Variants in SMYD3 observed in about 807,000 individuals in gnomAD.
SMYD3 encodes histone-lysine N-methyltransferase SMYD3.
SMYD3 carries 36 observed loss-of-function variants against 57.7 expected under a neutral mutation model. The observed-to-expected ratio is 0.62, with a 90% CI of 0.48 to 0.82. The LOEUF (loss-of-function observed/expected upper bound fraction) is 0.82, where lower values mean the gene tolerates loss of function less well. Ranked by LOEUF, SMYD3 falls within the 40% of genes least tolerant of loss-of-function variation. SMYD3 has a pLI of 0.00. For synonymous variants in SMYD3, 211 were observed against 195.0 expected (o/e 1.08, Z -0.68); for missense variants, 515 against 538.8 (o/e 0.96, Z 0.44).
At chr1:245,882,392 T>C (rs2052832889) in intron 8 of SMYD3, among the ~76,000 whole-genome samples, 1 of 152,192 alleles carries the variant, frequency 6.6e-6, no homozygotes, top group Non-Finnish European at 1.5e-5. Flanking sequence ...CGCAGCTCCC[T>C]AAGTCATCAA....
chr1:245,938,184 G>A (rs2057059724), intron 5 of SMYD3, among the ~76,000 whole-genome samples: 1 of 152,216 alleles, frequency 6.6e-6, no homozygotes, highest in Non-Finnish European at 1.5e-5. Context: ...GACATCTCAG[G>A]GAGTGAAACC....
intron 8 of SMYD3, among the ~76,000 whole-genome samples, chr1:245,904,786 C>T (rs2054445842): frequency 6.6e-6 from 1 of 151,938 alleles, no homozygotes; most frequent in African/African-American, 2.4e-5. Context: ...GCTGGCGTCA[C>T]CCCTCCCCTG....
chr1:246,035,992 G>C (rs1394455903), intron 5 of SMYD3, among the ~76,000 whole-genome samples: 1 of 152,210 alleles, frequency 6.6e-6, no homozygotes, highest in Non-Finnish European at 1.5e-5. Flanking sequence ...CGAACCAACA[G>C]ATGGGAGCAG....
At position 246,203,373 on chromosome 1, in the gene SMYD3, C is replaced by A. The variant is rs2062949157; in HGVS notation, c.531+123828G>T. The stretch of plus-strand genomic sequence containing the variant: ...TCTCTCCCGCTTCTGGACGCCAGCA[C>A]CTCCCCATGGTTGTTCGCTAGAGCT... On this transcript the variant is annotated intron_variant, in intron 5 of 11. Transcript: ENST00000490107. This position sits in a 1 kb window ranked among gnomAD's most constrained non-coding sequence, Gnocchi z 4.6. Among the ~76,000 whole-genome samples, 1 of 152,204 alleles carries A rather than the reference C, an allele frequency of 6.6e-6. No individual in the cohort carries two copies. The highest frequency in any genetic ancestry group is 1.5e-5 in the Non-Finnish European group (1 of 68,042).
intron 1 of SMYD3, among the ~76,000 whole-genome samples, chr1:246,455,096 C>T (rs1351518296): frequency 6.6e-6 from 1 of 152,074 alleles, no homozygotes; most frequent in Admixed American, 6.6e-5. Context: ...AAGACATAGA[C>T]CCAGCATTTT....
intron 1 of SMYD3, among the ~76,000 whole-genome samples, chr1:246,493,732 C>G (rs1417738032): frequency 6.6e-6 from 1 of 151,286 alleles, no homozygotes; most frequent in Non-Finnish European, 1.5e-5. Flanking sequence ...TCCAATAGTT[C>G]CAGCTCAAAA....
chr1:246,317,336 T>C (rs2065178477), intron 5 of SMYD3, among the ~76,000 whole-genome samples: 1 of 152,248 alleles, frequency 6.6e-6, no homozygotes, highest in Admixed American at 6.5e-5. Flanking sequence ...GAGAATTTTC[T>C]CCCAGCACAT....
chr1:245,766,798 C>T (rs10802267), intron 10 of SMYD3, among the ~76,000 whole-genome samples: 33,284 of 152,132 alleles, frequency 0.22, 4,173 homozygotes, highest in East Asian at 0.54. Context: ...TTCAGTTCTA[C>T]GATGGCAGAG....
intron 5 of SMYD3, among the ~76,000 whole-genome samples, chr1:245,979,519 G>T (rs184432067): frequency 6.6e-6 from 1 of 152,126 alleles, no homozygotes; most frequent in South Asian, 2.1e-4. Flanking sequence ...ACATGAAGAC[G>T]GGGGCAGAGA....
chr1:246,501,852 G>A (rs2103078388), intron 1 of SMYD3, among the ~76,000 whole-genome samples: 1 of 152,304 alleles, frequency 6.6e-6, no homozygotes, highest in South Asian at 2.1e-4. Context: ...CATTTCACGA[G>A]GCAATTTATG....
chr1:245,826,037 A>G (rs77068423), intron 10 of SMYD3, among the ~76,000 whole-genome samples: 5,439 of 38,954 alleles, frequency 0.14, 246 homozygotes, highest in Non-Finnish European at 0.19. Context: ...ATTTAATTAA[A>G]TATTTGTTAA....
At chr1:246,326,441 G>A (rs1468589018) in intron 5 of SMYD3, 2 of 663,924 alleles carry the variant, frequency 3.0e-6, no homozygotes, top group East Asian at 2.8e-5. Flanking sequence ...TTCCTCCCTA[G>A]GCCAAGATAA....
At chr1:245,902,828 C>T (rs529645054) in intron 8 of SMYD3, among the ~76,000 whole-genome samples, 7 of 152,320 alleles carry the variant, frequency 4.6e-5, no homozygotes, top group African/African-American at 1.4e-4. Flanking sequence ...CCAACAAATA[C>T]TGTAAATATA....
intron 5 of SMYD3, among the ~76,000 whole-genome samples, chr1:246,140,528 G>A (rs10802339): frequency 0.7 from 107,010 of 152,102 alleles, 38,955 homozygotes; most frequent in Non-Finnish European, 0.8. Flanking sequence ...GAACTGCTCC[G>A]TGGTGGATTA....
chr1:245,785,578 C>T (rs979111751), intron 10 of SMYD3, among the ~76,000 whole-genome samples: 1 of 152,134 alleles, frequency 6.6e-6, no homozygotes, highest in Non-Finnish European at 1.5e-5. Context: ...TTTGCCCAAC[C>T]CCTCCCCATC....
Position 246,020,183 on chromosome 1 carries a change from T to C in SMYD3, c.532-90246A>G, listed in dbSNP as rs1252607631. 2.0e-5 allele frequency among the ~76,000 whole-genome samples: 3 copies of C among 152,340 alleles called. No homozygotes were observed. The East Asian group carries it at 5.8e-4, about 29-fold the overall frequency. Reference sequence around the variant, plus strand: ...ACCATTGCACAAGAACACAGCAGACTGCTGACTGCAATAAGACTTATCTAG... The same window carrying C: ...ACCATTGCACAAGAACACAGCAGACCGCTGACTGCAATAAGACTTATCTAG... On this transcript the variant is annotated intron_variant, in intron 5 of 11. Transcript: ENST00000490107.
chr1:246,457,544 A>AAAAAAAG (rs2067719462), intron 1 of SMYD3, among the ~76,000 whole-genome samples: 1 of 87,246 alleles, frequency 1.1e-5, no homozygotes, highest in African/African-American at 4.1e-5. Flanking sequence ...AAAAAAAAAA[A>AAAAAAAG]AAAAGAAAAG....
At chr1:246,227,523 G>T (rs1397003150) in intron 5 of SMYD3, among the ~76,000 whole-genome samples, 1 of 152,172 alleles carries the variant, frequency 6.6e-6, no homozygotes, top group Non-Finnish European at 1.5e-5. Context: ...GCTGAGGCAG[G>T]AGAATCACTT....
chr1:246,258,365 A>T (rs2063937297), intron 5 of SMYD3, among the ~76,000 whole-genome samples: 1 of 152,172 alleles, frequency 6.6e-6, no homozygotes, highest in Non-Finnish European at 1.5e-5. Context: ...ATGCAAGAGC[A>T]CACTAATACA....
Sources: allele counts gnomAD v4.1 joint callset (sites outside exome capture counted in the v4.1 genomes callset), GRCh38; gene constraint gnomAD v4.1.1; non-coding constraint Gnocchi (gnomAD v3.1); transcripts MANE v1.5; gene names NCBI Gene and HGNC (gene_info 2026-07-23, HGNC 2026-07-21).